The following CD163 variants were observed in gnomAD, a reference collection of about 807,000 sequenced individuals.
The protein encoded by CD163 is CD163 molecule.
A neutral mutation model predicts 129.2 loss-of-function variants in CD163; 64 were observed. That is an observed-to-expected ratio of 0.50 (90% CI 0.41 to 0.61). CD163 has a LOEUF of 0.61. Ranked by LOEUF, CD163 falls within the 20% of genes least tolerant of loss-of-function variation. The pLI is 0.00. For missense variants in CD163, 1,061 were observed against 1,377.9 expected (o/e 0.77, Z 3.64); for synonymous variants, 446 against 478.5 (o/e 0.93, Z 0.89).
intron 6 of CD163, among the ~76,000 whole-genome samples, chr12:7,488,503 C>G (rs1457277683): frequency 6.6e-6 from 1 of 152,152 alleles, no homozygotes; most frequent in Non-Finnish European, 1.5e-5. Context: ...CTATGTAAAG[C>G]TTTTCAATAT....
chr12:7,501,086 T>C, intron 3 of CD163, 53 bp downstream of exon 3: 1 of 1,505,168 alleles, frequency 6.6e-7, no homozygotes, highest in Non-Finnish European at 9.2e-7. Flanking sequence ...CATCTACATA[T>C]TTTTTTCCCA....
chr12:7,470,837 C>T lies in CD163; in HGVS notation c.*592G>A, dbSNP rs1948992867. On this transcript the variant is annotated 3_prime_UTR_variant, in exon 17 of 17. Transcript: ENST00000432237. ...CTTTGTGCCCTCACCAGGTGTGGCT[C>T]TGCATTTTATTCTAGTGAACAGAAT... 6.6e-6 allele frequency: 1 copy of T among 152,114 alleles called. No homozygotes were observed. The highest frequency in any genetic ancestry group is 1.5e-5 in the Non-Finnish European group (1 of 68,010). 9.4% of individuals were successfully genotyped at this position (152,114 alleles called of 1,614,324 possible).
chr12:7,479,205 AC>A (rs2136690862), intron 16 of CD163, among the ~76,000 whole-genome samples: 1 of 152,146 alleles, frequency 6.6e-6, no homozygotes, highest in Admixed American at 6.6e-5. Flanking sequence ...TCATATTACC[AC>A]CTATAGACTA....
At chr12:7,472,270 G>A (rs1240294087) in intron 16 of CD163, among the ~76,000 whole-genome samples, 1 of 152,206 alleles carries the variant, frequency 6.6e-6, no homozygotes, top group Admixed American at 6.5e-5. Flanking sequence ...CCCATGCCTA[G>A]TGACTAGGAG....
In CD163 at chr12:7,487,074, ATAGCT is replaced by A; in HGVS notation, c.2051-93_2051-89del. 1 of 1,052,156 alleles carries A rather than the reference ATAGCT, an allele frequency of 9.5e-7. No homozygotes were observed. Among genetic ancestry groups the A allele is most frequent in the South Asian group, 1.5e-5 (1 of 68,590 alleles). The allele number at this position is 1,052,156 out of a possible 1,614,324, so 65.2% of individuals were successfully genotyped here. ...TTATATGGATGAGTTGAGGACAAACATAGCTTAGAGAGAGAGGGGAAGGTGGATGG... is the reference window on the plus strand; with the variant it reads ...TTATATGGATGAGTTGAGGACAAACATAGAGAGAGAGGGGAAGGTGGATGG... On this transcript the variant is annotated intron_variant, in intron 8 of 16. Transcript: ENST00000432237. The surrounding 1 kb of genome is among the most constrained non-coding windows in gnomAD (Gnocchi z 5.1).
chr12:7,498,046 T>G (rs935774882), intron 4 of CD163, among the ~76,000 whole-genome samples: 1 of 152,128 alleles, frequency 6.6e-6, no homozygotes, highest in African/African-American at 2.4e-5. Flanking sequence ...TGAGGCTAAC[T>G]ATACCCTCTG....
intron 16 of CD163, among the ~76,000 whole-genome samples, chr12:7,473,962 A>G (rs761696856): frequency 1.3e-5 from 2 of 152,202 alleles, no homozygotes; most frequent in Non-Finnish European, 2.9e-5. Flanking sequence ...TAAGCCAATA[A>G]AGATTAAAAA....
intron 6 of CD163, 84 bp downstream of exon 6, chr12:7,494,997 T>C (rs1949379954): frequency 9.6e-7 from 1 of 1,039,640 alleles, no homozygotes; most frequent in Non-Finnish European, 1.5e-6. Flanking sequence ...GATCTAGTCA[T>C]AAGGACCAAT....
In CD163 at chr12:7,499,053, C is replaced by A. The variant is rs1322862177; in HGVS notation, c.593G>T (p.Arg198Ile). The change falls in exon 4 of 17, where the codon AGA becomes ATA. Residue 198 changes from arginine to isoleucine, a missense_variant. Arg to Ile is a moderately conservative substitution (Grantham distance 97). Coordinates refer to ENST00000432237, the MANE Select transcript of CD163 (RefSeq NM_203416.4). ...FNIDHASVIC[R>I]QLECGSAVSF... ...GACAGCACTTCCACATTCAAGTTGT[C>A]TACAAATGACAGATGCATGATCTAT... The A allele has an allele frequency of 6.2e-7, 1 of 1,614,172 alleles. No individual in the cohort carries two copies. The highest frequency in any genetic ancestry group is 8.5e-7 in the Non-Finnish European group (1 of 1,180,022).
In CD163 at chr12:7,485,227, G is replaced by C. The variant is rs376634645; in HGVS notation, c.2648C>G (p.Ala883Gly). ...GTCCACCCACATGGGAATGGACATG[G>C]CCTTGTCTAAAGATGCAGGGTTGAT... is the stretch of plus-strand genomic sequence containing the variant. ...GKINPASLDK[A>G]MSIPMWVDNV... Residue 883 changes from alanine (A) to glycine (G), a missense_variant, in exon 11 of 17, where the codon GCC becomes GGC. Coordinates refer to ENST00000432237, the MANE Select transcript of CD163 (RefSeq NM_203416.4). This position sits in a 1 kb window ranked among gnomAD's most constrained non-coding sequence, Gnocchi z 4.5. The C allele has an allele frequency of 1.2e-6, 2 of 1,614,180 alleles. No homozygotes were observed. The highest frequency in any genetic ancestry group is 1.7e-6 in the Non-Finnish European group (2 of 1,180,018).
chr12:7,488,331 C>G (rs1949285064), intron 6 of CD163, among the ~76,000 whole-genome samples: 1 of 152,122 alleles, frequency 6.6e-6, no homozygotes, highest in Non-Finnish European at 1.5e-5. Flanking sequence ...CCAACCATCC[C>G]CAAAGGCAAT....
chr12:7,481,040 T>C lies in CD163; in HGVS notation c.3343+121A>G. 2.1e-6 allele frequency: 3 copies of C among 1,452,724 alleles called. No homozygotes were observed. In the South Asian group the frequency reaches 4.6e-5, roughly 22 times the overall value. The allele number at this position is 1,452,724 out of a possible 1,614,324, so 90.0% of individuals were successfully genotyped here. ...CAGTCATTCTTGTCCATTATATGCA[T>C]CTAAGCTTCCTATTACATTTTTAGA... is the stretch of plus-strand genomic sequence containing the variant. On this transcript the variant is annotated intron_variant, in intron 15 of 16. Coordinates refer to ENST00000432237, the MANE Select transcript of CD163 (RefSeq NM_203416.4).
chr12:7,495,450 T>A (rs2136729334), intron 5 of CD163, 49 bp from the exon 6 acceptor site: 1 of 1,532,196 alleles, frequency 6.5e-7, no homozygotes, highest in East Asian at 2.3e-5. Context: ...GGAGGTTAGC[T>A]TCCAGAGGAT....
Position 7,486,811 on chromosome 12 carries a change from T to A in CD163, c.2146A>T (p.Ser716Cys), listed in dbSNP as rs1368755438. The stretch of plus-strand genomic sequence containing the variant: ...CCATTTACCAGGCGAAGTTGACCAC[T>A]CTCTGCAAAGAGAAATGAAACTATT... ...PEESAVACIE[S>C]GQLRLVNGGG... is the part of the protein sequence containing the mutation. Residue 716 changes from serine to cysteine, a missense_variant and splice_region_variant, in exon 10 of 17, where the codon AGT (serine) becomes TGT (cysteine). By Grantham distance (112) the Ser-to-Cys change is moderately radical. Transcript: ENST00000432237. 6.2e-7 allele frequency: 1 copy of A among 1,608,452 alleles called. No individual in the cohort carries two copies. The highest frequency in any genetic ancestry group is 8.5e-7 in the Non-Finnish European group (1 of 1,176,214).
In CD163 at chr12:7,483,353, CT is replaced by C. The variant is rs1251314375; in HGVS notation, c.3088+13del. ...CCAGAGATTCCAAGCTCAATCCAGG[CT>C]TCTGGCACTTACCTGTGCAATTCAC... On this transcript the variant is annotated intron_variant, in intron 12 of 16. Coordinates refer to ENST00000432237, the MANE Select transcript of CD163 (RefSeq NM_203416.4). The C allele has an allele frequency of 6.2e-7, 1 of 1,601,942 alleles. No individual in the cohort carries two copies. The highest frequency in any genetic ancestry group is 8.5e-7 in the Non-Finnish European group (1 of 1,173,418).
At chr12:7,493,685 A>T (rs1275077423) in intron 6 of CD163, among the ~76,000 whole-genome samples, 1 of 152,216 alleles carries the variant, frequency 6.6e-6, no homozygotes, top group Non-Finnish European at 1.5e-5. Context: ...GTAAATCAGA[A>T]GAAATAAAAC....
chr12:7,499,157 AC>A lies in CD163; in HGVS notation c.488del (p.Arg163LeufsTer10). ...DGSNLEMRLTRGGNMCSGRIE... is the reference protein window; with the variant it reads ...DGSNLEMRLTXGGNMCSGRIE... Reference sequence around the variant, plus strand: ...TTCTTCCAGAACACATATTCCCTCCACGCGTCAGCCTCATTTCCAAATTGGA... The same window carrying A: ...TTCTTCCAGAACACATATTCCCTCCAGCGTCAGCCTCATTTCCAAATTGGA... On this transcript the variant is annotated frameshift_variant, in exon 4 of 17. Transcript: ENST00000432237. LOFTEE classifies it high-confidence loss of function. 1 of 1,612,746 alleles carries A rather than the reference AC, an allele frequency of 6.2e-7. No individual in the cohort carries two copies. Among genetic ancestry groups the A allele is most frequent in the Non-Finnish European group, 8.5e-7 (1 of 1,179,528 alleles).
chr12:7,490,650 C>T (rs73043501), intron 6 of CD163, among the ~76,000 whole-genome samples: 2,850 of 152,030 alleles, frequency 0.019, 48 homozygotes, highest in Non-Finnish European at 0.029. Context: ...TGCCAATCTA[C>T]ATACTCTGAT....
At chr12:7,481,845 G>GA (rs1949166802) in intron 14 of CD163, among the ~76,000 whole-genome samples, 1 of 151,604 alleles carries the variant, frequency 6.6e-6, no homozygotes, top group African/African-American at 2.4e-5. Context: ...CGCCCCTCAG[G>GA]AAAAAAACAA....
Sources: gnomAD v4.1 joint callset for allele counts (sites outside exome capture counted in the v4.1 genomes callset) on GRCh38, gnomAD v4.1.1 for gene constraint, Gnocchi (gnomAD v3.1) non-coding constraint, MANE v1.5 for transcripts, NCBI Gene and HGNC (gene_info 2026-07-23, HGNC 2026-07-21) for gene names.